The following R3HDM1 variants were observed in gnomAD, a reference collection of about 807,000 sequenced individuals.
R3HDM1 encodes the protein R3H domain containing 1, also known as R3H domain-containing protein 1.
A neutral mutation model predicts 141.1 loss-of-function variants in R3HDM1; 46 were observed. The ratio of observed to expected loss-of-function variants is 0.33; its 90% CI spans 0.26 to 0.42. The LOEUF is 0.42. Among genes scored for constraint, R3HDM1 ranks in the 10% least tolerant of loss-of-function variants. R3HDM1 has a pLI of 1.00. For synonymous variants in R3HDM1, 435 were observed against 472.9 expected, an observed-to-expected ratio of 0.92 and a Z score of 1.04; for missense variants, 1,184 against 1,368.3, an observed-to-expected ratio of 0.87 and a Z score of 2.12.
rs550317198 is a variant in R3HDM1 at position 135,703,142 on chromosome 2, A to G, written c.2460-6291A>G. On this transcript the variant is annotated intron_variant, in intron 21 of 26. Coordinates refer to ENST00000683871, the MANE Select transcript of R3HDM1 (RefSeq NM_001378107.1). ...TCAAGCCGAAGGCATCTTTTCCATT[A>G]AATATATAATGTAGACTCTTTTTTA... 7.9e-5 allele frequency among the ~76,000 whole-genome samples: 12 copies of G among 152,338 alleles called. No individual in the cohort carries two copies. The East Asian group carries it at 2.1e-3, about 27-fold the overall frequency.
chr2:135,597,412 ATTC>A (rs1299499340), intron 1 of R3HDM1, among the ~76,000 whole-genome samples: 1 of 152,250 alleles, frequency 6.6e-6, no homozygotes, highest in Non-Finnish European at 1.5e-5. Context: ...CAGTGCTTAT[ATTC>A]TTGTTCAAGT....
At chr2:135,579,605 T>TGGGGG (rs1706318336) in intron 1 of R3HDM1, among the ~76,000 whole-genome samples, 2 of 122,512 alleles carry the variant, frequency 1.6e-5, no homozygotes, top group African/African-American at 6.4e-5. Context: ...CGGGGGGGGG[T>TGGGGG]GGAAATGGCA....
chr2:135,570,935 T>C (rs949839747), intron 1 of R3HDM1, among the ~76,000 whole-genome samples: 7 of 152,212 alleles, frequency 4.6e-5, no homozygotes, highest in Non-Finnish European at 7.3e-5. Flanking sequence ...GGAAGACTCA[T>C]TTAGGCAATG....
chr2:135,565,704 T>G (rs1382311567), intron 1 of R3HDM1: 1 of 152,140 alleles, frequency 6.6e-6, no homozygotes, highest in African/African-American at 2.4e-5. Context: ...AGAGCCAGAC[T>G]TGATTTTCTT....
At chr2:135,614,550 TGACCA>T (rs2060842053) in intron 3 of R3HDM1, among the ~76,000 whole-genome samples, 1 of 152,252 alleles carries the variant, frequency 6.6e-6, no homozygotes, top group Non-Finnish European at 1.5e-5. Flanking sequence ...TGAAGTAATT[TGACCA>T]TGGTTACCCA....
chr2:135,587,666 TTAAAA>T (rs1253946246), intron 1 of R3HDM1, among the ~76,000 whole-genome samples: 1 of 152,178 alleles, frequency 6.6e-6, no homozygotes, highest in Non-Finnish European at 1.5e-5. Context: ...AAAGAAAAAA[TTAAAA>T]TAAGCAACAC....
chr2:135,634,439 G>A (rs2063056948), intron 9 of R3HDM1, among the ~76,000 whole-genome samples: 1 of 152,084 alleles, frequency 6.6e-6, no homozygotes, highest in Non-Finnish European at 1.5e-5. Flanking sequence ...TCGGGAGTGT[G>A]CAACCAGCCT....
intron 1 of R3HDM1, among the ~76,000 whole-genome samples, chr2:135,540,390 CT>C (rs1697210760): frequency 6.6e-6 from 1 of 152,140 alleles, no homozygotes; most frequent in Non-Finnish European, 1.5e-5. Flanking sequence ...AAATAAAAAT[CT>C]TTAAAAGTTG....
intron 1 of R3HDM1, among the ~76,000 whole-genome samples, chr2:135,540,250 T>G (rs144117300): frequency 9.2e-5 from 14 of 152,344 alleles, no homozygotes; most frequent in African/African-American, 3.4e-4. Flanking sequence ...TCTTACTGTT[T>G]CCACCACATC....
Position 135,607,728 on chromosome 2 carries a change from G to T in R3HDM1, c.171+2712G>T, listed in dbSNP as rs928079132. 6.2e-5 allele frequency: 27 copies of T among 432,354 alleles called. No individual in the cohort carries two copies. In the South Asian group the frequency reaches 2.0e-3, roughly 33 times the overall value. 26.8% of individuals were successfully genotyped at this position (432,354 alleles called of 1,614,324 possible). ...TATTGCATTTCCTACCATGTCTATT[G>T]TGTTGCCCTTGGCAGTAAGCCACAA... On this transcript the variant is annotated intron_variant, in intron 3 of 26. Transcript: ENST00000683871.
Position 135,721,920 on chromosome 2 carries a change from T to C in R3HDM1, c.2882-4T>C, listed in dbSNP as rs771706142. The C allele has an allele frequency of 4.3e-6, 7 of 1,610,952 alleles. No individual in the cohort carries two copies. In the South Asian group the frequency reaches 4.4e-5, roughly 10 times the overall value. On this transcript the variant is annotated splice_region_variant and splice_polypyrimidine_tract_variant and intron_variant, in intron 24 of 26. Transcript: ENST00000683871. ...ATAAAATAAAATATTTTATTGACTT[T>C]CAGGAGATTCCAGGTATCCATTACT...
At chr2:135,635,335 C>T (rs1574554463) in intron 9 of R3HDM1, among the ~76,000 whole-genome samples, 1 of 152,296 alleles carries the variant, frequency 6.6e-6, no homozygotes, top group Non-Finnish European at 1.5e-5. Flanking sequence ...TTAGACGAGG[C>T]AGTACAGGCT....
chr2:135,577,635 C>G lies in R3HDM1; in HGVS notation c.-249-24865C>G, dbSNP rs185637305. On this transcript the variant is annotated intron_variant, in intron 1 of 26. Coordinates refer to ENST00000683871, the MANE Select transcript of R3HDM1 (RefSeq NM_001378107.1). The stretch of plus-strand genomic sequence containing the variant: ...TGGATCACCTGAGGTTTCTCAACCT[C>G]GAGACCAGCCTGACCAACATGGAGA... Among the ~76,000 whole-genome samples the G allele has an allele frequency of 4.6e-5, 7 of 151,814 alleles. No homozygotes were observed. The East Asian group carries it at 1.4e-3, about 29-fold the overall frequency.
intron 21 of R3HDM1, among the ~76,000 whole-genome samples, chr2:135,685,532 G>A (rs1383994032): frequency 6.6e-6 from 1 of 152,118 alleles, no homozygotes; most frequent in African/African-American, 2.4e-5. Context: ...CCACCAGCCT[G>A]TATTTGTTTG....
At chr2:135,567,722 T>G (rs547646067) in intron 1 of R3HDM1, among the ~76,000 whole-genome samples, 1 of 152,178 alleles carries the variant, frequency 6.6e-6, no homozygotes, top group Non-Finnish European at 1.5e-5. Context: ...TTTTCTATTT[T>G]TACCTTTGTT....
chr2:135,609,998 C>T (rs541718912), intron 3 of R3HDM1, among the ~76,000 whole-genome samples: 35 of 151,814 alleles, frequency 2.3e-4, no homozygotes, highest in Non-Finnish European at 5.0e-4. Flanking sequence ...GAGCTGAAAC[C>T]GTGCCACTCT....
intron 1 of R3HDM1, among the ~76,000 whole-genome samples, chr2:135,585,661 T>C (rs1707733921): frequency 6.6e-6 from 1 of 152,234 alleles, no homozygotes; most frequent in East Asian, 1.9e-4. Flanking sequence ...TATTAAACAT[T>C]GTTTTTTAAA....
intron 16 of R3HDM1, among the ~76,000 whole-genome samples, chr2:135,648,186 G>A (rs193181201): frequency 1.5e-3 from 226 of 152,226 alleles, no homozygotes; most frequent in African/African-American, 5.0e-3. Context: ...CATGAGTTTT[G>A]TGAGGAACCA....
chr2:135,609,738 A>G lies in R3HDM1; in HGVS notation c.171+4722A>G, dbSNP rs139057602. 3.4e-3 allele frequency among the ~76,000 whole-genome samples: 522 copies of G among 152,230 alleles called. 2 individuals carry two copies. Among genetic ancestry groups the G allele is most frequent in the Non-Finnish European group, 3.9e-3 (264 of 68,010 alleles). ...GATTTTCTTCGCGGATAGGTTTTTC[A>G]GATTACAATTAGTCTAAATTAGCCT... On this transcript the variant is annotated intron_variant, in intron 3 of 26. Transcript: ENST00000683871.
Sources: allele counts gnomAD v4.1 joint callset (sites outside exome capture counted in the v4.1 genomes callset), GRCh38; gene constraint gnomAD v4.1.1; transcripts MANE v1.5; gene names NCBI Gene and HGNC (gene_info 2026-07-23, HGNC 2026-07-21).